TCF25: variants seen among roughly 807,000 people sequenced by gnomAD.
TCF25 encodes ribosome quality control complex subunit TCF25.
TCF25 carries 41 observed loss-of-function variants against 83.1 expected under a neutral mutation model. That is an observed-to-expected ratio of 0.49 (90% CI 0.38 to 0.64). TCF25 has a LOEUF of 0.64. Among genes scored for constraint, TCF25 ranks in the 30% least tolerant of loss-of-function variants. The probability of loss-of-function intolerance (pLI) is 0.00; values close to 1 mark genes in which losing one functional copy is unlikely to be tolerated. For synonymous variants in TCF25, 458 were observed against 365.0 expected (o/e 1.25, Z -2.90); for missense variants, 979 against 914.5 (o/e 1.07, Z -0.91).
chr16:89,910,976 T>TGGGGCAA lies in TCF25; in HGVS notation c.1873-100_1873-94dup. The TGGGGCAA allele has an allele frequency of 2.0e-6, 3 of 1,498,044 alleles. No homozygotes were observed. In the Middle Eastern group the frequency reaches 7.3e-4, roughly 364 times the overall value. The allele number at this position is 1,498,044 out of a possible 1,614,324, so 92.8% of individuals were successfully genotyped here. A position where few individuals can be genotyped will look rare whatever the true frequency, so the allele number is the denominator to read the frequency against. ...CTGGGGAGGGTTCAGGGTCCGGTGC[T>TGGGGCAA]GGGGCAAGGGCCACCTCGGGCTCCA... On this transcript the variant is annotated intron_variant, in intron 17 of 17. Transcript: ENST00000263346.
At chr16:89,893,553 G>A (rs1304421457) in intron 6 of TCF25, among the ~76,000 whole-genome samples, 175 bp from the exon 7 acceptor site, 3 of 151,360 alleles carry the variant, frequency 2.0e-5, no homozygotes, top group Non-Finnish European at 3.0e-5. Flanking sequence ...TAGACCAGAC[G>A]GCGGGTGTTT....
At chr16:89,881,989 G>A (rs8061025) in intron 1 of TCF25, among the ~76,000 whole-genome samples, 18,257 of 151,804 alleles carry the variant, frequency 0.12, 1,341 homozygotes, top group East Asian at 0.26. Context: ...TGCTGACCTC[G>A]TGATCCACCC....
intron 11 of TCF25, among the ~76,000 whole-genome samples, chr16:89,899,615 C>G (rs1022759935): frequency 2.6e-5 from 4 of 152,036 alleles, no homozygotes; most frequent in Admixed American, 2.6e-4. Flanking sequence ...GTAATCCCAG[C>G]TACTCGGGAG....
chr16:89,885,560 G>T (rs1382605544), intron 3 of TCF25, among the ~76,000 whole-genome samples: 1 of 152,216 alleles, frequency 6.6e-6, no homozygotes, highest in Non-Finnish European at 1.5e-5. Context: ...GGAGCCACAA[G>T]TCCCAACCCT....
At chr16:89,895,936 C>T (rs1567719711) in intron 8 of TCF25, 54 bp from the exon 9 acceptor site, 6 of 1,497,930 alleles carry the variant, frequency 4.0e-6, no homozygotes, top group East Asian at 2.3e-5. Flanking sequence ...GAGGAGGGGC[C>T]GTGGTTGCTG....
At chr16:89,894,326 C>T (rs1321666681) in intron 7 of TCF25, among the ~76,000 whole-genome samples, 3 of 149,818 alleles carry the variant, frequency 2.0e-5, no homozygotes, top group African/African-American at 7.5e-5. Flanking sequence ...CCTGGACAGC[C>T]CTCATGCAGC....
intron 17 of TCF25, among the ~76,000 whole-genome samples, chr16:89,910,866 G>A (rs893887880): frequency 2.0e-5 from 3 of 152,254 alleles, no homozygotes; most frequent in Non-Finnish European, 2.9e-5. Flanking sequence ...ATGCAGGGCC[G>A]TGAGTCAGCC....
intron 14 of TCF25, 185 bp from the exon 15 acceptor site, chr16:89,906,009 C>T: frequency 1.7e-6 from 1 of 589,964 alleles, no homozygotes; most frequent in South Asian, 2.0e-5. Flanking sequence ...CCAGAGGCTC[C>T]CCAGCCGCAG....
chr16:89,878,231 G>C (rs563548845), intron 1 of TCF25, among the ~76,000 whole-genome samples: 1 of 151,738 alleles, frequency 6.6e-6, no homozygotes, highest in Non-Finnish European at 1.5e-5. Flanking sequence ...AGTGAGGTGA[G>C]ATGACGCCAC....
intron 9 of TCF25, among the ~76,000 whole-genome samples, chr16:89,896,811 T>C (rs958638078): frequency 6.6e-5 from 10 of 151,888 alleles, no homozygotes; most frequent in Non-Finnish European, 1.2e-4. Flanking sequence ...GCCTCGGCCT[T>C]CCAAAATGCT....
chr16:89,876,620 A>G (rs2143901779), intron 1 of TCF25, among the ~76,000 whole-genome samples: 1 of 151,734 alleles, frequency 6.6e-6, no homozygotes, highest in East Asian at 1.9e-4. Context: ...GTGAAACCCC[A>G]TCTCTACTAA....
chr16:89,902,854 G>A (rs908428783), intron 12 of TCF25, among the ~76,000 whole-genome samples: 14 of 152,120 alleles, frequency 9.2e-5, no homozygotes, highest in African/African-American at 3.4e-4. Context: ...CGCCTATTAG[G>A]ATGTCCTGGA....
In TCF25 at chr16:89,900,643, G is replaced by C. The variant is rs1358310749; in HGVS notation, c.1230G>C (p.Arg410=). The C allele has an allele frequency of 6.3e-7, 1 of 1,591,490 alleles. No individual in the cohort carries two copies. Among genetic ancestry groups the C allele is most frequent in the Non-Finnish European group, 8.6e-7 (1 of 1,161,238 alleles). The change falls in exon 12 of 18, where the codon CGG becomes CGC. Residue 410 remains arginine (R), a synonymous_variant. Transcript: ENST00000263346. ...IRLFQEWEAH[R]NLSQLPNFAF... ...TTCTTCGTCCCTCGTAGGCTCATCGGAACCTGTCCCAGCTCCCTAATTTTG... is the reference window on the plus strand; with the variant it reads ...TTCTTCGTCCCTCGTAGGCTCATCGCAACCTGTCCCAGCTCCCTAATTTTG...
chr16:89,896,189 C>A, intron 9 of TCF25, 106 bp downstream of exon 9: 2 of 955,782 alleles, frequency 2.1e-6, no homozygotes, highest in Non-Finnish European at 1.6e-6. Context: ...CAGGGTGGAC[C>A]AGGGCCCACA....
chr16:89,904,373 C>T, intron 13 of TCF25, 168 bp downstream of exon 13: 1 of 727,274 alleles, frequency 1.4e-6, no homozygotes, highest in Non-Finnish European at 2.3e-6. Flanking sequence ...CTGGAGCCCT[C>T]ATCTGTGTGG....
chr16:89,881,214 A>G (rs1415571399), intron 1 of TCF25, among the ~76,000 whole-genome samples: 1 of 152,116 alleles, frequency 6.6e-6, no homozygotes, highest in South Asian at 2.1e-4. Flanking sequence ...CTCTTCAGCA[A>G]CCGCAGCCGG....
At chr16:89,883,259 C>A (rs749912059) in intron 1 of TCF25, 92 bp from the exon 2 acceptor site, 28 of 1,531,174 alleles carry the variant, frequency 1.8e-5, no homozygotes, top group Non-Finnish European at 2.4e-5. Context: ...GGGTCCCCAA[C>A]GCAAGCCCGT....
intron 16 of TCF25, chr16:89,908,843 G>A (rs1046946554): frequency 4.1e-6 from 4 of 976,750 alleles, no homozygotes; most frequent in Non-Finnish European, 4.0e-6. Flanking sequence ...CCACCTCGCA[G>A]CTCCCAGCTC....
chr16:89,875,618 G>T (rs1421044927), intron 1 of TCF25, among the ~76,000 whole-genome samples: 1 of 146,922 alleles, frequency 6.8e-6, no homozygotes, highest in African/African-American at 2.6e-5. Context: ...CGCCTCCTGG[G>T]TTCACGCCAT....
Sources: allele counts gnomAD v4.1 joint callset (sites outside exome capture counted in the v4.1 genomes callset), GRCh38; gene constraint gnomAD v4.1.1; transcripts MANE v1.5; gene names NCBI Gene and HGNC (gene_info 2026-07-23, HGNC 2026-07-21).